Variants in ZNF157 observed in about 807,000 individuals in gnomAD.
ZNF157 encodes zinc finger protein 157, also known as zinc finger protein 22.
ZNF157 carries 8 observed loss-of-function variants against 9.4 expected under a neutral mutation model. That is an observed-to-expected ratio of 0.85 (90% CI 0.50 to 1.53). The LOEUF (loss-of-function observed/expected upper bound fraction) is 1.53, where lower values mean the gene tolerates loss of function less well. Ranked by LOEUF, ZNF157 falls within the 40% of genes most tolerant of loss-of-function variation. The probability of loss-of-function intolerance (pLI) is 0.00; values close to 1 mark genes in which losing one functional copy is unlikely to be tolerated. For synonymous variants in ZNF157, 120 were observed against 130.8 expected, an observed-to-expected ratio of 0.92 and a Z score of 0.56; for missense variants, 316 against 385.2, an observed-to-expected ratio of 0.82 and a Z score of 1.50.
intron 1 of ZNF157, among the ~76,000 whole-genome samples, chrX:47,376,397 CT>C (rs1331800927): frequency 8.9e-6 from 1 of 111,774 alleles, no homozygotes; most frequent in Non-Finnish European, 1.9e-5. Context: ...GGTGGATCAC[CT>C]GAAGTCAGGA....
chrX:47,413,831 T>TTGAAAACAATGAGCAGA lies in ZNF157; in HGVS notation c.*237_*238insTGAAAACAATGAGCAGA. The TTGAAAACAATGAGCAGA allele has an allele frequency of 3.2e-6, 1 of 314,955 alleles. No individual in the cohort carries two copies. The highest frequency in any genetic ancestry group is 5.2e-6 in the Non-Finnish European group (1 of 191,869). The allele number at this position is 314,955 out of a possible 1,213,427, so 26.0% of individuals were successfully genotyped here. ...TTGACTGTTCATGTCCTCTGCTCAT[T>TTGAAAACAATGAGCAGA]GTTTTCAAATGGGCTGTTCATCTCT... is the stretch of plus-strand genomic sequence containing the variant. On this transcript the variant is annotated 3_prime_UTR_variant, in exon 4 of 4. Coordinates refer to ENST00000377073, the MANE Select transcript of ZNF157 (RefSeq NM_003446.4).
chrX:47,412,722 C>A lies in ZNF157; in HGVS notation c.649C>A (p.Pro217Thr). 1 of 1,211,219 alleles carries A rather than the reference C, an allele frequency of 8.3e-7. No homozygotes were observed. The highest frequency in any genetic ancestry group is 1.1e-6 in the Non-Finnish European group (1 of 895,408). Residue 217 changes from proline (P) to threonine (T), a missense_variant, in exon 4 of 4, where the codon CCC becomes ACC. By Grantham distance (38) the Pro-to-Thr change is conservative. This residue lies in a region of ZNF157 where 146 missense variants were observed against 183.8 expected (regional missense o/e 0.79). Transcript: ENST00000377073. ...AHQKTHTGERPFECNECGKSF... is the reference protein window; with the variant it reads ...AHQKTHTGERTFECNECGKSF... The stretch of plus-strand genomic sequence containing the variant: ...TCAGAAAACTCACACAGGGGAGAGG[C>A]CCTTTGAATGTAATGAATGTGGGAA...
chrX:47,400,639 T>G (rs745679309), intron 1 of ZNF157, among the ~76,000 whole-genome samples: 1 of 111,383 alleles, frequency 9.0e-6, no homozygotes, highest in African/African-American at 3.3e-5. Context: ...TGGTGTAGTA[T>G]CTTCTGTTTC....
intron 1 of ZNF157, among the ~76,000 whole-genome samples, chrX:47,399,776 C>T: frequency 9.0e-6 from 1 of 110,804 alleles, no homozygotes; most frequent in Non-Finnish European, 1.9e-5. Flanking sequence ...GCCTCCAGGG[C>T]TGAAGCAATC....
intron 1 of ZNF157, 90 bp downstream of exon 1, chrX:47,370,830 C>A: frequency 1.2e-6 from 1 of 829,937 alleles, no homozygotes; most frequent in Non-Finnish European, 1.6e-6. Flanking sequence ...ATTGTAGATT[C>A]AAATGCAATG....
intron 1 of ZNF157, among the ~76,000 whole-genome samples, chrX:47,374,536 T>C (rs1233217456): frequency 9.5e-6 from 1 of 104,796 alleles, no homozygotes; most frequent in Non-Finnish European, 1.9e-5. Context: ...GTAGCTGGGA[T>C]TACAGGCACC....
intron 1 of ZNF157, among the ~76,000 whole-genome samples, chrX:47,405,055 AAAC>A (rs1363951289): frequency 2.7e-5 from 3 of 110,349 alleles, no homozygotes; most frequent in African/African-American, 9.9e-5. Flanking sequence ...GCCACACACT[AAAC>A]AACCAGATCT....
intron 1 of ZNF157, among the ~76,000 whole-genome samples, chrX:47,391,892 ATT>A (rs57626522): frequency 6.3e-4 from 58 of 92,093 alleles, no homozygotes; most frequent in East Asian, 1.1e-3. Context: ...ACCTGTATTG[ATT>A]TTTTTTTTTT....
chrX:47,409,001 CTG>C (rs1190158082), intron 1 of ZNF157, among the ~76,000 whole-genome samples: 1 of 112,086 alleles, frequency 8.9e-6, no homozygotes, highest in Non-Finnish European at 1.9e-5. Context: ...CCCTCAAACT[CTG>C]TACTTGGTGC....
chrX:47,408,853 AC>A (rs1469422203), intron 1 of ZNF157, among the ~76,000 whole-genome samples: 4 of 110,745 alleles, frequency 3.6e-5, no homozygotes, highest in African/African-American at 1.3e-4. Context: ...ATGAGAAACC[AC>A]CCCCATGATC....
intron 1 of ZNF157, among the ~76,000 whole-genome samples, chrX:47,391,657 T>G (rs1466892585): frequency 9.0e-6 from 1 of 111,512 alleles, no homozygotes; most frequent in Non-Finnish European, 1.9e-5. Context: ...TTCAAGCAAT[T>G]CTCCTGTCTC....
At chrX:47,399,993 CTCT>C (rs1489589472) in intron 1 of ZNF157, among the ~76,000 whole-genome samples, 1 of 87,672 alleles carries the variant, frequency 1.1e-5, no homozygotes. Context: ...TGTTCTCTCT[CTCT>C]TTTTTTTTTT....
chrX:47,393,430 G>A (rs2055903194), intron 1 of ZNF157, among the ~76,000 whole-genome samples: 1 of 111,900 alleles, frequency 8.9e-6, no homozygotes, highest in South Asian at 3.7e-4. Flanking sequence ...TCCTGTATGT[G>A]TTCGTATTAG....
At chrX:47,376,251 G>A (rs2055844541) in intron 1 of ZNF157, among the ~76,000 whole-genome samples, 1 of 112,180 alleles carries the variant, frequency 8.9e-6, no homozygotes, top group Non-Finnish European at 1.9e-5. Context: ...GTGTGAACAT[G>A]TTTTGAACTC....
At chrX:47,374,702 CTTTTTTTTT>C (rs869212909) in intron 1 of ZNF157, among the ~76,000 whole-genome samples, 1 of 56,673 alleles carries the variant, frequency 1.8e-5, no homozygotes, top group East Asian at 5.2e-4. Context: ...GCCCAGCAAT[CTTTTTTTTT>C]TTTTTTTTTT....
At chrX:47,400,658 T>A (rs769567080) in intron 1 of ZNF157, among the ~76,000 whole-genome samples, 5 of 111,398 alleles carry the variant, frequency 4.5e-5, no homozygotes, top group Admixed American at 3.9e-4. Flanking sequence ...TCTTTTCTTT[T>A]CTCTTCTTTC....
intron 1 of ZNF157, among the ~76,000 whole-genome samples, chrX:47,401,690 C>G (rs1471079633): frequency 8.9e-6 from 1 of 111,887 alleles, no homozygotes; most frequent in Non-Finnish European, 1.9e-5. Flanking sequence ...TCAACCACCT[C>G]TGTTGGTCAT....
chrX:47,377,496 A>T (rs1398525171), intron 1 of ZNF157, among the ~76,000 whole-genome samples: 1 of 110,374 alleles, frequency 9.1e-6, no homozygotes, highest in Non-Finnish European at 1.9e-5. Flanking sequence ...TGGTATGATC[A>T]CAGCTCGCTG....
chrX:47,384,873 G>A (rs1415793484), intron 1 of ZNF157, among the ~76,000 whole-genome samples: 2 of 112,306 alleles, frequency 1.8e-5, no homozygotes, highest in African/African-American at 6.5e-5. Context: ...GGAGTGCAGT[G>A]CCCAGAGTAG....
Sources: allele counts gnomAD v4.1 joint callset (sites outside exome capture counted in the v4.1 genomes callset), GRCh38; gene constraint gnomAD v4.1.1; regional missense constraint gnomAD v4.1.1; transcripts MANE v1.5; gene names NCBI Gene and HGNC (gene_info 2026-07-23, HGNC 2026-07-21).